SHROOM3: variants seen among roughly 807,000 people sequenced by gnomAD.
The protein encoded by SHROOM3 is shroom family member 3.
A neutral mutation model predicts 138.6 loss-of-function variants in SHROOM3; 47 were observed. That is an observed-to-expected ratio of 0.34 (90% confidence interval 0.27 to 0.43). SHROOM3 has a LOEUF of 0.43. Ranked by LOEUF, SHROOM3 falls within the 20% of genes least tolerant of loss-of-function variation. The probability of loss-of-function intolerance (pLI) is 1.00; values close to 1 mark genes in which losing one functional copy is unlikely to be tolerated. For synonymous variants in SHROOM3, 1,062 were observed against 1,063.3 expected (o/e 1.00, Z 0.02); for missense variants, 2,491 against 2,596.5 (o/e 0.96, Z 0.88).
chr4:76,754,186 T>C, intron 6 of SHROOM3, 125 bp from the exon 7 acceptor site: 1 of 1,264,678 alleles, frequency 7.9e-7, no homozygotes, highest in South Asian at 1.2e-5. Context: ...GTGTGCAGTT[T>C]CTGGGGGAAG....
intron 3 of SHROOM3, among the ~76,000 whole-genome samples, chr4:76,720,567 C>A (rs1025865271): frequency 6.7e-6 from 1 of 150,144 alleles, no homozygotes; most frequent in African/African-American, 2.4e-5. Flanking sequence ...TATGCATCAT[C>A]TATTATTCTA....
At chr4:76,723,478 GT>G (rs2110124620) in intron 3 of SHROOM3, among the ~76,000 whole-genome samples, 1 of 152,292 alleles carries the variant, frequency 6.6e-6, no homozygotes, top group East Asian at 1.9e-4. Flanking sequence ...CATAGAGGCT[GT>G]CTCTGACTTA....
intron 2 of SHROOM3, among the ~76,000 whole-genome samples, chr4:76,593,713 T>G (rs4422437): frequency 0.29 from 44,490 of 152,030 alleles, 6,659 homozygotes; most frequent in East Asian, 0.43. Context: ...ATCTGCTTAT[T>G]AAAAACCAAA....
chr4:76,754,123 C>G (rs1489751284), intron 6 of SHROOM3, among the ~76,000 whole-genome samples, 188 bp from the exon 7 acceptor site: 2 of 152,134 alleles, frequency 1.3e-5, no homozygotes, highest in Non-Finnish European at 2.9e-5. Flanking sequence ...GGAATTTATG[C>G]CTGCCTAGTA....
At chr4:76,475,001 T>C (rs1463477560) in intron 1 of SHROOM3, among the ~76,000 whole-genome samples, 3 of 152,078 alleles carry the variant, frequency 2.0e-5, no homozygotes, top group South Asian at 4.1e-4. Flanking sequence ...TAGTCTAGCA[T>C]CATTTTGATT....
At chr4:76,770,579 T>TG in intron 9 of SHROOM3, 47 bp from the exon 10 acceptor site, 1 of 1,609,328 alleles carries the variant, frequency 6.2e-7, no homozygotes, top group Non-Finnish European at 8.5e-7. Context: ...CTGCTTCCAC[T>TG]GGCACCTCCT....
intron 1 of SHROOM3, among the ~76,000 whole-genome samples, chr4:76,505,454 G>T (rs1206212859): frequency 6.6e-6 from 1 of 152,066 alleles, no homozygotes; most frequent in African/African-American, 2.4e-5. Flanking sequence ...CTCCAGGCAT[G>T]GCTGTACCCT....
chr4:76,645,603 T>C (rs1393022468), intron 2 of SHROOM3: 2 of 152,254 alleles, frequency 1.3e-5, no homozygotes, highest in African/African-American at 4.8e-5. Context: ...GTTTTTTGTT[T>C]GCTTTGTGTG....
rs200269781 is a variant in SHROOM3, at chr4:76,740,838, C to G, written c.2665C>G (p.Gln889Glu). 1.3e-5 allele frequency: 21 copies of G among 1,589,000 alleles called. No individual in the cohort carries two copies. The African/African-American group carries it at 2.7e-4, about 20-fold the overall frequency. Residue 889 changes from glutamine (Q) to glutamate (E), a missense_variant, in exon 5 of 11, where the codon CAG (glutamine) becomes GAG (glutamate). Gln to Glu is a conservative substitution (Grantham distance 29). This residue lies in a region of SHROOM3 where 1,733 missense variants were observed against 1,661.6 expected (regional missense o/e 1.04). Coordinates refer to ENST00000296043, the MANE Select transcript of SHROOM3 (RefSeq NM_020859.4). This position sits in a 1 kb window ranked among gnomAD's most constrained non-coding sequence, Gnocchi z 4.0. Reference sequence around the variant, plus strand: ...GCCGGACGCTCGGCTCCTCCGTAGCCAGAGCACCTTCCAGCTCTCCAGCGA... The same window carrying G: ...GCCGGACGCTCGGCTCCTCCGTAGCGAGAGCACCTTCCAGCTCTCCAGCGA... ...QRPDARLLRS[Q>E]STFQLSSEPE...
intron 10 of SHROOM3, among the ~76,000 whole-genome samples, chr4:76,773,384 AAAAAAAAG>A (rs1203752504): frequency 6.6e-6 from 1 of 151,932 alleles, no homozygotes; most frequent in African/African-American, 2.4e-5. Context: ...AAAAAAAAAA[AAAAAAAAG>A]AGCTATGGGA....
intron 1 of SHROOM3, among the ~76,000 whole-genome samples, chr4:76,500,998 G>A (rs1447713277): frequency 6.6e-6 from 1 of 152,040 alleles, no homozygotes; most frequent in African/African-American, 2.4e-5. Context: ...TTGTAGAGAT[G>A]GGGGGTGGTG....
rs2110094583 is a variant in SHROOM3, at chr4:76,664,065, T to TTG, written c.324-46090_324-46089insGT. ...TGGCAGTTGAAAATAATAAACCAGA[T>TTG]TTTCAAAGTGGGTGAACTACTTGCT... On this transcript the variant is annotated intron_variant, in intron 2 of 10. Transcript: ENST00000296043. The surrounding 1 kb of genome is among the most constrained non-coding windows in gnomAD (Gnocchi z 4.2). Among the ~76,000 whole-genome samples the TTG allele has an allele frequency of 6.6e-6, 1 of 152,334 alleles. No homozygotes were observed. Among genetic ancestry groups the TTG allele is most frequent in the East Asian group, 1.9e-4 (1 of 5,190 alleles).
chr4:76,527,125 A>T (rs1732707601), intron 1 of SHROOM3, among the ~76,000 whole-genome samples: 1 of 152,184 alleles, frequency 6.6e-6, no homozygotes, highest in African/African-American at 2.4e-5. Flanking sequence ...CAGGCAGGGA[A>T]GGAAAAAAGA....
chr4:76,607,254 G>C (rs2110058527), intron 2 of SHROOM3, among the ~76,000 whole-genome samples: 1 of 152,238 alleles, frequency 6.6e-6, no homozygotes, highest in East Asian at 1.9e-4. Flanking sequence ...GAGATGAACA[G>C]ACTGAACTGG....
intron 1 of SHROOM3, among the ~76,000 whole-genome samples, chr4:76,534,973 C>T (rs1227812282): frequency 6.6e-6 from 1 of 152,196 alleles, no homozygotes; most frequent in Non-Finnish European, 1.5e-5. Flanking sequence ...AGCAAATGGA[C>T]TAAGAGCTTC....
At chr4:76,493,894 G>A (rs1391981998) in intron 1 of SHROOM3, among the ~76,000 whole-genome samples, 5 of 152,296 alleles carry the variant, frequency 3.3e-5, no homozygotes, top group East Asian at 3.9e-4. Context: ...CAGGAGAATC[G>A]TTTGAAACCG....
At chr4:76,751,705 A>G (rs976798122) in intron 6 of SHROOM3, among the ~76,000 whole-genome samples, 1 of 152,236 alleles carries the variant, frequency 6.6e-6, no homozygotes, top group African/African-American at 2.4e-5. Context: ...GCCAACAAGC[A>G]TTGAAAAGAT....
chr4:76,531,041 T>G (rs372563240), intron 1 of SHROOM3, among the ~76,000 whole-genome samples: 226 of 152,346 alleles, frequency 1.5e-3, no homozygotes, highest in African/African-American at 5.2e-3. Flanking sequence ...GCTGTTTGCT[T>G]GGCTCTGTGA....
intron 1 of SHROOM3, among the ~76,000 whole-genome samples, chr4:76,479,489 A>G (rs1731560428): frequency 6.6e-6 from 1 of 152,120 alleles, no homozygotes; most frequent in African/African-American, 2.4e-5. Context: ...ATGTGGAAAG[A>G]CCAAACCTAC....
Sources: gnomAD v4.1 joint callset for allele counts (sites outside exome capture counted in the v4.1 genomes callset) on GRCh38, gnomAD v4.1.1 for gene constraint, gnomAD v4.1.1 regional missense constraint, Gnocchi (gnomAD v3.1) non-coding constraint, MANE v1.5 for transcripts, NCBI Gene and HGNC (gene_info 2026-07-23, HGNC 2026-07-21) for gene names.